HS3ST4: variants seen among roughly 807,000 people sequenced by gnomAD.
The protein encoded by HS3ST4 is heparan sulfate glucosamine 3-O-sulfotransferase 4.
In HS3ST4, 17 loss-of-function variants were observed where a neutral mutation model predicts 29.2. The observed-to-expected ratio is 0.58, with a 90% CI of 0.40 to 0.87. The LOEUF is 0.87. Among genes scored for constraint, HS3ST4 ranks in the 40% least tolerant of loss-of-function variants. The pLI, the probability that HS3ST4 is intolerant of heterozygous loss-of-function variation, is 0.00. For synonymous variants in HS3ST4, 314 were observed against 285.7 expected (o/e 1.10, Z -1.00); for missense variants, 627 against 634.5 (o/e 0.99, Z 0.13).
chr16:26,114,193 C>T (rs542404769), intron 1 of HS3ST4, among the ~76,000 whole-genome samples: 61 of 152,204 alleles, frequency 4.0e-4, no homozygotes, highest in African/African-American at 1.3e-3. Context: ...TAAAACACAC[C>T]GGGCTCCTTG....
At chr16:26,038,086 CCT>C (rs1969600317) in intron 1 of HS3ST4, among the ~76,000 whole-genome samples, 1 of 152,110 alleles carries the variant, frequency 6.6e-6, no homozygotes, top group African/African-American at 2.4e-5. Context: ...CTCTATAACC[CCT>C]CTCTTGCCAC....
intron 1 of HS3ST4, among the ~76,000 whole-genome samples, chr16:26,045,459 G>T (rs995216105): frequency 6.6e-6 from 1 of 152,090 alleles, no homozygotes; most frequent in Non-Finnish European, 1.5e-5. Context: ...CTTGGGATTC[G>T]GTTTGGGAAA....
intron 1 of HS3ST4, among the ~76,000 whole-genome samples, chr16:25,841,625 C>G (rs1159491995): frequency 6.6e-6 from 1 of 152,072 alleles, no homozygotes; most frequent in African/African-American, 2.4e-5. Flanking sequence ...AAATAATCTT[C>G]TAATATTTTA....
At chr16:26,050,053 A>T (rs980017843) in intron 1 of HS3ST4, among the ~76,000 whole-genome samples, 5 of 151,998 alleles carry the variant, frequency 3.3e-5, no homozygotes, top group Admixed American at 6.6e-5. Context: ...AATTGATTAA[A>T]CCATTGTCCA....
chr16:26,137,206 A>C lies in HS3ST4; in HGVS notation c.*958A>C, dbSNP rs947025070. On this transcript the variant is annotated 3_prime_UTR_variant, in exon 2 of 2. Transcript: ENST00000331351. The stretch of plus-strand genomic sequence containing the variant: ...AGTTCTGAGCATGTTTTTGGGGTGG[A>C]CTCTGTCCCCTAGGGTCCCTAGAAG... The C allele has an allele frequency of 1.3e-5, 2 of 151,766 alleles. No homozygotes were observed. Among genetic ancestry groups the C allele is most frequent in the Admixed American group, 6.6e-5 (1 of 15,230 alleles). 9.4% of individuals were successfully genotyped at this position (151,766 alleles called of 1,614,324 possible).
intron 1 of HS3ST4, among the ~76,000 whole-genome samples, chr16:25,747,299 C>T (rs1457206933): frequency 6.6e-6 from 1 of 152,234 alleles, no homozygotes; most frequent in Non-Finnish European, 1.5e-5. Context: ...CACAGGCATA[C>T]AGATAACGCT....
chr16:25,939,462 C>T (rs1347340929), intron 1 of HS3ST4, among the ~76,000 whole-genome samples: 2 of 151,928 alleles, frequency 1.3e-5, no homozygotes, highest in African/African-American at 2.4e-5. Flanking sequence ...CTCAGCCTCC[C>T]GAGTAGCTGG....
chr16:25,781,550 G>C (rs1482978850), intron 1 of HS3ST4, among the ~76,000 whole-genome samples: 1 of 152,110 alleles, frequency 6.6e-6, no homozygotes, highest in Non-Finnish European at 1.5e-5. Context: ...GGACACATGA[G>C]CTTCTGCACA....
chr16:26,133,299 T>C (rs2141817151), intron 1 of HS3ST4, among the ~76,000 whole-genome samples: 1 of 152,350 alleles, frequency 6.6e-6, no homozygotes, highest in Middle Eastern at 3.4e-3. Context: ...CATGGCCTTT[T>C]ATTAACCCTA....
chr16:25,837,772 T>C (rs1469866902), intron 1 of HS3ST4, among the ~76,000 whole-genome samples: 2 of 152,166 alleles, frequency 1.3e-5, no homozygotes, highest in Non-Finnish European at 2.9e-5. Flanking sequence ...ATCGTCACTT[T>C]ATTTATTTAT....
chr16:25,964,122 C>T (rs1968820221), intron 1 of HS3ST4, among the ~76,000 whole-genome samples: 1 of 151,472 alleles, frequency 6.6e-6, no homozygotes, highest in African/African-American at 2.4e-5. Flanking sequence ...TGGCAGGGAG[C>T]CAAGACTGCA....
chr16:25,787,603 C>T (rs1966859559), intron 1 of HS3ST4, among the ~76,000 whole-genome samples: 1 of 152,220 alleles, frequency 6.6e-6, no homozygotes, highest in Admixed American at 6.5e-5. Context: ...TGGTCTGGGT[C>T]ACCTGCCACC....
intron 1 of HS3ST4, among the ~76,000 whole-genome samples, chr16:26,134,673 G>A (rs1033071122): frequency 3.9e-5 from 6 of 152,092 alleles, no homozygotes; most frequent in Non-Finnish European, 8.8e-5. Flanking sequence ...GGATAATAAG[G>A]CTCGAAGATA....
At chr16:25,714,483 A>G (rs1447920810) in intron 1 of HS3ST4, among the ~76,000 whole-genome samples, 1 of 152,180 alleles carries the variant, frequency 6.6e-6, no homozygotes, top group Non-Finnish European at 1.5e-5. Context: ...TAATCCTCAC[A>G]AAGATCCTAT....
intron 1 of HS3ST4, among the ~76,000 whole-genome samples, chr16:25,982,367 A>T (rs1299663844): frequency 6.6e-6 from 1 of 152,176 alleles, no homozygotes; most frequent in East Asian, 1.9e-4. Context: ...AAATGCCTTG[A>T]GTCAGTGCAC....
chr16:25,793,768 A>G (rs181568558), intron 1 of HS3ST4, among the ~76,000 whole-genome samples: 418 of 151,982 alleles, frequency 2.8e-3, no homozygotes, highest in Admixed American at 4.6e-3. Flanking sequence ...TTAATTACTG[A>G]TATGCTGGGA....
At chr16:25,931,655 G>T (rs900390214) in intron 1 of HS3ST4, among the ~76,000 whole-genome samples, 1 of 152,214 alleles carries the variant, frequency 6.6e-6, no homozygotes, top group African/African-American at 2.4e-5. Context: ...AAATCACAGG[G>T]CCACTGACCA....
chr16:26,125,745 G>C (rs866359383), intron 1 of HS3ST4, among the ~76,000 whole-genome samples: 1 of 152,018 alleles, frequency 6.6e-6, no homozygotes, highest in Non-Finnish European at 1.5e-5. Flanking sequence ...AAAATCCTTC[G>C]CTCATCGCCT....
intron 1 of HS3ST4, among the ~76,000 whole-genome samples, chr16:25,947,766 A>G (rs1968643702): frequency 6.6e-6 from 1 of 152,166 alleles, no homozygotes; most frequent in Non-Finnish European, 1.5e-5. Context: ...TACTTACATC[A>G]TAGTATATGT....
Sources: gnomAD v4.1 joint callset for allele counts (sites outside exome capture counted in the v4.1 genomes callset) on GRCh38, gnomAD v4.1.1 for gene constraint, MANE v1.5 for transcripts, NCBI Gene and HGNC (gene_info 2026-07-23, HGNC 2026-07-21) for gene names.